Variants in SYCP1 observed in about 807,000 individuals in gnomAD.
SYCP1 encodes the protein synaptonemal complex protein 1.
SYCP1 carries 64 observed loss-of-function variants against 153.1 expected under a neutral mutation model. The observed-to-expected ratio is 0.42, with a 90% CI of 0.34 to 0.51. The LOEUF is 0.51. Ranked by LOEUF, SYCP1 falls within the 20% of genes least tolerant of loss-of-function variation. The pLI is 0.06. For synonymous variants in SYCP1, 384 were observed against 341.8 expected (o/e 1.12, Z -1.36); for missense variants, 997 against 1,049.0 (o/e 0.95, Z 0.68).
Position 114,855,462 on chromosome 1 carries a change from A to G in SYCP1, c.-3A>G. 1 of 1,608,632 alleles carries G rather than the reference A, an allele frequency of 6.2e-7. No individual in the cohort carries two copies. The highest frequency in any genetic ancestry group is 8.5e-7 in the Non-Finnish European group (1 of 1,177,172). On this transcript the variant is annotated 5_prime_UTR_variant, in exon 2 of 32. Coordinates refer to ENST00000369522, the MANE Select transcript of SYCP1 (RefSeq NM_003176.4). ...GTAGATATTTACAACCGTAACAGAG[A>G]AAATGGAAAAGCAAAAGCCCTTTGC... is the stretch of plus-strand genomic sequence containing the variant.
At chr1:114,951,227 T>C (rs1671087001) in intron 27 of SYCP1, among the ~76,000 whole-genome samples, 1 of 152,214 alleles carries the variant, frequency 6.6e-6, no homozygotes, top group South Asian at 2.1e-4. Context: ...ATAACTTTTA[T>C]CTATTTTGGG....
Position 114,911,539 on chromosome 1 carries a change from T to C in SYCP1, c.1486T>C (p.Ser496Pro), listed in dbSNP as rs1570754785. 1.9e-6 allele frequency: 3 copies of C among 1,547,966 alleles called. No homozygotes were observed. Among genetic ancestry groups the C allele is most frequent in the Non-Finnish European group, 1.7e-6 (2 of 1,151,978 alleles). The change falls in exon 18 of 32, where the codon TCA becomes CCA. Residue 496 changes from serine to proline, a missense_variant. Transcript: ENST00000369522. ...CATTACCACAAGTGAACAGTATTAT[T>C]CAAAAGAGGTTAAAGATCTAAAAAC... ...TAITTSEQYY[S>P]KEVKDLKTEL...
Position 114,910,497 on chromosome 1 carries a change from G to C in SYCP1, c.1421G>C (p.Arg474Thr). 2 of 1,548,198 alleles carry C rather than the reference G, an allele frequency of 1.3e-6. No individual in the cohort carries two copies. Among genetic ancestry groups the C allele is most frequent in the South Asian group, 1.3e-5 (1 of 77,814 alleles). ...EQELIGLLQA[R>T]EKEVHDLEIQ... Reference sequence around the variant, plus strand: ...GAACTAATTGGTCTTCTCCAAGCCAGAGAGGTTTGTTTAAGGAAACATTTT... The same window carrying C: ...GAACTAATTGGTCTTCTCCAAGCCACAGAGGTTTGTTTAAGGAAACATTTT... The change falls in exon 17 of 32, where the codon AGA (arginine) becomes ACA (threonine). Residue 474 changes from arginine to threonine, a missense_variant. Transcript: ENST00000369522.
intron 25 of SYCP1, among the ~76,000 whole-genome samples, chr1:114,945,221 TG>T (rs1255327965): frequency 6.6e-6 from 1 of 152,056 alleles, no homozygotes; most frequent in Non-Finnish European, 1.5e-5. Flanking sequence ...CTGTGATGAA[TG>T]GAAGTAATCA....
chr1:114,876,841 T>C, intron 11 of SYCP1, 31 bp downstream of exon 11: 1 of 1,228,436 alleles, frequency 8.1e-7, no homozygotes, highest in Non-Finnish European at 1.1e-6. Flanking sequence ...TTTGTATTCT[T>C]TATATTTGCT....
intron 8 of SYCP1, chr1:114,862,880 T>G (rs1376828745): frequency 2.6e-5 from 4 of 152,212 alleles, no homozygotes; most frequent in African/African-American, 4.8e-5. Flanking sequence ...GCTTTTTTCT[T>G]TCTTTTATTC....
chr1:114,939,109 T>C (rs1161256579), intron 23 of SYCP1, among the ~76,000 whole-genome samples: 1 of 152,206 alleles, frequency 6.6e-6, no homozygotes, highest in Non-Finnish European at 1.5e-5. Context: ...TATGTTCACC[T>C]ATGTTCATAG....
intron 8 of SYCP1, among the ~76,000 whole-genome samples, chr1:114,863,782 CT>C (rs1036808792): frequency 4.2e-4 from 64 of 151,198 alleles, no homozygotes; most frequent in Non-Finnish European, 7.1e-4. Context: ...GAATGGGTTT[CT>C]TTTTTTTTCT....
intron 27 of SYCP1, among the ~76,000 whole-genome samples, chr1:114,964,266 G>T (rs1348430802): frequency 6.6e-6 from 1 of 152,094 alleles, no homozygotes. Context: ...GTAGATTCTG[G>T]ATACTAGTCT....
At chr1:114,979,571 G>T (rs924281646) in intron 28 of SYCP1, among the ~76,000 whole-genome samples, 3 of 151,642 alleles carry the variant, frequency 2.0e-5, no homozygotes, top group African/African-American at 7.3e-5. Context: ...ACATTTTGGC[G>T]GTTCCAAAGT....
chr1:114,903,452 G>GA (rs903903291), intron 16 of SYCP1, among the ~76,000 whole-genome samples: 3 of 152,084 alleles, frequency 2.0e-5, no homozygotes, highest in Non-Finnish European at 4.4e-5. Context: ...GAAATCTGGA[G>GA]AAAAAATACA....
chr1:114,969,830 T>C (rs1437709322), intron 27 of SYCP1, among the ~76,000 whole-genome samples: 1 of 152,112 alleles, frequency 6.6e-6, no homozygotes, highest in East Asian at 1.9e-4. Flanking sequence ...AAGAAAAACA[T>C]AGTATCTGGG....
chr1:114,854,658 C>T (rs1212659484), upstream of SYCP1: 1 of 152,234 alleles, frequency 6.6e-6, no homozygotes, highest in Non-Finnish European at 1.5e-5. Flanking sequence ...TTTTCACTCT[C>T]AGCTTCAGTC....
Position 114,986,579 on chromosome 1 carries a change from A to G in SYCP1, c.2703+1711A>G, listed in dbSNP as rs142990682. ...AACTAGTCTAAAAACACATTTCACA[A>G]TCAGTTTCCTGGTTATAATTATTAT... On this transcript the variant is annotated intron_variant, in intron 30 of 31. Transcript: ENST00000369522. 5.0e-3 allele frequency among the ~76,000 whole-genome samples: 754 copies of G among 152,132 alleles called. 4 individuals are homozygous for G. Among genetic ancestry groups the G allele is most frequent in the Admixed American group, 7.5e-3 (114 of 15,252 alleles).
intron 8 of SYCP1, among the ~76,000 whole-genome samples, chr1:114,864,920 A>G (rs944787842): frequency 2.6e-5 from 4 of 152,192 alleles, no homozygotes; most frequent in East Asian, 1.9e-4. Flanking sequence ...TGTGCAGGTT[A>G]GTTACATATG....
At chr1:114,963,064 A>G (rs898735851) in intron 27 of SYCP1, among the ~76,000 whole-genome samples, 2 of 152,154 alleles carry the variant, frequency 1.3e-5, no homozygotes, top group Non-Finnish European at 2.9e-5. Flanking sequence ...GTTTTCCTTT[A>G]TAGGTTAGCT....
At chr1:114,890,326 A>T (rs968451951) in intron 15 of SYCP1, among the ~76,000 whole-genome samples, 10 of 151,614 alleles carry the variant, frequency 6.6e-5, no homozygotes, top group Non-Finnish European at 1.0e-4. Context: ...TATGTTTTAA[A>T]TATGTTTTAT....
Position 114,944,341 on chromosome 1 carries a change from C to A in SYCP1, c.1929C>A (p.Val643=). The change falls in exon 24 of 32, where the codon GTC becomes GTA. Residue 643 remains valine (V), a splice_region_variant and synonymous_variant. Transcript: ENST00000369522. ...SKQLNVYEIK[V]NKLELELESA... ...ATGCTATTTTTCTTTACTTAAAGGT[C>A]AATAAATTAGAGTTAGAACTAGAAA... 2 of 1,562,946 alleles carry A rather than the reference C, an allele frequency of 1.3e-6. No homozygotes were observed. The highest frequency in any genetic ancestry group is 1.7e-5 in the Admixed American group (1 of 57,276).
intron 8 of SYCP1, among the ~76,000 whole-genome samples, chr1:114,864,606 A>G (rs1233794655): frequency 6.6e-6 from 1 of 151,924 alleles, no homozygotes; most frequent in Non-Finnish European, 1.5e-5. Flanking sequence ...TTCCTACCTC[A>G]GTTTCCCAAG....
Sources: allele counts gnomAD v4.1 joint callset (sites outside exome capture counted in the v4.1 genomes callset), GRCh38; gene constraint gnomAD v4.1.1; transcripts MANE v1.5; gene names NCBI Gene and HGNC (gene_info 2026-07-23, HGNC 2026-07-21).